The following NR5A1 variants were observed in gnomAD, a reference collection of about 807,000 sequenced individuals.
NR5A1 encodes the protein nuclear receptor subfamily 5 group A member 1.
In NR5A1, 6 loss-of-function variants were observed where a neutral mutation model predicts 42.7. The ratio of observed to expected loss-of-function variants is 0.14; its 90% CI spans 0.08 to 0.28. NR5A1 has a LOEUF of 0.28. NR5A1 is among the 10% of genes least tolerant of loss of function. The probability of loss-of-function intolerance (pLI) is 1.00; values close to 1 mark genes in which losing one functional copy is unlikely to be tolerated. For synonymous variants in NR5A1, 274 were observed against 277.5 expected (o/e 0.99, Z 0.12); for missense variants, 442 against 626.4 (o/e 0.71, Z 3.14).
At chr9:124,488,051 TC>T (rs1387622098) in intron 6 of NR5A1, among the ~76,000 whole-genome samples, 1 of 138,416 alleles carries the variant, frequency 7.2e-6, no homozygotes, top group Non-Finnish European at 1.6e-5. Context: ...CCCCACCCCG[TC>T]CCCACCCCTG....
intron 4 of NR5A1, among the ~76,000 whole-genome samples, chr9:124,495,726 T>G (rs1564151129): frequency 6.6e-6 from 1 of 152,108 alleles, no homozygotes; most frequent in Non-Finnish European, 1.5e-5. Context: ...AATGAGGAGA[T>G]AAGGCTTCAG....
chr9:124,487,581 C>T (rs1564148548), intron 6 of NR5A1, among the ~76,000 whole-genome samples: 1 of 152,282 alleles, frequency 6.6e-6, no homozygotes. Context: ...CACCAAATGG[C>T]ACCCTTATGC....
Position 124,503,880 on chromosome 9 carries a change from C to A in NR5A1, c.-15-470G>T, listed in dbSNP as rs887379361. Among the ~76,000 whole-genome samples, 2 of 152,052 alleles carry A rather than the reference C, an allele frequency of 1.3e-5. No individual in the cohort carries two copies. Among genetic ancestry groups the A allele is most frequent in the African/African-American group, 4.8e-5 (2 of 41,378 alleles). Reference sequence around the variant, plus strand: ...CGGGGGAGCCAGAGATGGGAAGAAACTCTGGCGAGAGACAACGACCGACGC... The same window carrying A: ...CGGGGGAGCCAGAGATGGGAAGAAAATCTGGCGAGAGACAACGACCGACGC... On this transcript the variant is annotated intron_variant, in intron 1 of 6. Transcript: ENST00000373588. This position sits in a 1 kb window ranked among gnomAD's most constrained non-coding sequence, Gnocchi z 9.6.
chr9:124,500,585 C>T lies in NR5A1; in HGVS notation c.375G>A (p.Pro125=), dbSNP rs1110062. 0.016 allele frequency: 25,642 copies of T among 1,611,976 alleles called. 3,482 individuals are homozygous for T. In the African/African-American group the frequency reaches 0.3, roughly 19 times the overall value. The change falls in exon 4 of 7, where the codon CCG becomes CCA. Residue 125 remains proline, a synonymous_variant. Transcript: ENST00000373588. This position sits in a 1 kb window ranked among gnomAD's most constrained non-coding sequence, Gnocchi z 6.9. ...GAGGGGGCGGCGGGGGCACCCCCAT[C>T]GGGGGCCCTGTCTCCAGCTTGAAGC... ...ANGFKLETGP[P]MGVPPPPPPA...
In NR5A1 at chr9:124,483,050, C is replaced by T. The variant is rs199988556; in HGVS notation, c.1139-45G>A. 3 of 1,611,016 alleles carry T rather than the reference C, an allele frequency of 1.9e-6. No individual in the cohort carries two copies. The South Asian group carries it at 3.3e-5, about 18-fold the overall frequency. ...GTCACCATCGCGTCACCATCCATGC[C>T]CATCAGGGCTGGGCCAACACCGTCA... On this transcript the variant is annotated intron_variant, in intron 6 of 6. Coordinates refer to ENST00000373588, the MANE Select transcript of NR5A1 (RefSeq NM_004959.5).
chr9:124,498,995 G>A lies in NR5A1; in HGVS notation c.870+1095C>T, dbSNP rs551359182. ...CCCAGGCCCGAGTGGCGTCAGCATT[G>A]ACAATGCTGCTCAAGGCTGCAGTGG... On this transcript the variant is annotated intron_variant, in intron 4 of 6. Transcript: ENST00000373588. The surrounding 1 kb of genome is among the most constrained non-coding windows in gnomAD (Gnocchi z 4.6). 1.3e-5 allele frequency among the ~76,000 whole-genome samples: 2 copies of A among 152,264 alleles called. No individual in the cohort carries two copies. Among genetic ancestry groups the A allele is most frequent in the Admixed American group, 1.3e-4 (2 of 15,302 alleles).
chr9:124,499,384 C>T (rs1280990697), intron 4 of NR5A1, among the ~76,000 whole-genome samples: 3 of 152,206 alleles, frequency 2.0e-5, no homozygotes, highest in Admixed American at 1.3e-4. Context: ...CAGGGAAGAT[C>T]AGTGGCAGAC....
chr9:124,494,952 G>C (rs934630299), intron 4 of NR5A1, among the ~76,000 whole-genome samples: 1 of 152,192 alleles, frequency 6.6e-6, no homozygotes, highest in Non-Finnish European at 1.5e-5. Context: ...GAAGCACCCC[G>C]CTCTCTGTTC....
Position 124,500,644 on chromosome 9 carries a change from T to G in NR5A1, c.316A>C (p.Lys106Gln). Residue 106 changes from lysine (K) to glutamine (Q), a missense_variant, in exon 4 of 7, where the codon AAA (lysine) becomes CAA (glutamine). This residue lies in a region of NR5A1 where 71 missense variants were observed against 156.8 expected (regional missense o/e 0.45). Coordinates refer to ENST00000373588, the MANE Select transcript of NR5A1 (RefSeq NM_004959.5). The surrounding 1 kb of genome is among the most constrained non-coding windows in gnomAD (Gnocchi z 6.9). ...CGAATCTGTGCCTTCTTCTGCTGTT[T>G]CAGGGCCCGGTCCCGCTTGTACATC... ...GPMYKRDRAL[K>Q]QQKKAQIRAN... The G allele has an allele frequency of 6.2e-7, 1 of 1,613,364 alleles. No homozygotes were observed. Among genetic ancestry groups the G allele is most frequent in the Non-Finnish European group, 8.5e-7 (1 of 1,180,002 alleles).
intron 5 of NR5A1, among the ~76,000 whole-genome samples, chr9:124,492,506 T>C (rs1237637034): frequency 1.4e-5 from 2 of 147,452 alleles, no homozygotes; most frequent in Non-Finnish European, 3.0e-5. Context: ...CCTTTGCCCA[T>C]TCATTCATTC....
rs558454394 is a variant in NR5A1 at position 124,492,015 on chromosome 9, CT to C, written c.991-788del. Among the ~76,000 whole-genome samples the C allele has an allele frequency of 2.3e-3, 343 of 152,302 alleles. 1 individual carries two copies. Among genetic ancestry groups the C allele is most frequent in the African/African-American group, 7.9e-3 (328 of 41,554 alleles). ...CACAGGGAGCCCCAAAGACACCCCC[CT>C]GGGACCAGTGCTGCCCGTCCCGTCC... is the stretch of plus-strand genomic sequence containing the variant. On this transcript the variant is annotated intron_variant, in intron 5 of 6. Transcript: ENST00000373588.
chr9:124,483,537 A>G (rs1832162767), intron 6 of NR5A1, among the ~76,000 whole-genome samples: 1 of 152,078 alleles, frequency 6.6e-6, no homozygotes, highest in Non-Finnish European at 1.5e-5. Flanking sequence ...GGGTTGGGTT[A>G]GCTGGCACCA....
In NR5A1 at chr9:124,500,461, G is replaced by A; in HGVS notation, c.499C>T (p.Pro167Ser). The change falls in exon 4 of 7, where the codon CCA becomes TCA. Residue 167 changes from proline to serine, a missense_variant. This residue lies in a region of NR5A1 where 208 missense variants were observed against 203.8 expected (regional missense o/e 1.02). Transcript: ENST00000373588. This position sits in a 1 kb window ranked among gnomAD's most constrained non-coding sequence, Gnocchi z 6.9. The stretch of plus-strand genomic sequence containing the variant: ...CCGGGCACGGCCATGGGCAGTGCTG[G>A]GGCCCCAAAGTCGCCCAGTGGCCCA... Reference protein sequence around the residue: ...PAGPLGDFGAPALPMAVPGAH... With the variant: ...PAGPLGDFGASALPMAVPGAH... The A allele has an allele frequency of 1.3e-6, 2 of 1,592,366 alleles. No individual in the cohort carries two copies. Among genetic ancestry groups the A allele is most frequent in the Non-Finnish European group, 1.7e-6 (2 of 1,171,396 alleles).
intron 1 of NR5A1, among the ~76,000 whole-genome samples, chr9:124,505,067 C>T (rs888857587): frequency 6.6e-6 from 1 of 152,032 alleles, no homozygotes; most frequent in African/African-American, 2.4e-5. Flanking sequence ...GTGTCCTCCC[C>T]CCAAGCCCGG....
rs893109403 is a variant in NR5A1, at chr9:124,482,563, A to G, written c.*195T>C. 8.3e-5 allele frequency: 56 copies of G among 671,814 alleles called. No individual in the cohort carries two copies. The highest frequency in any genetic ancestry group is 1.2e-5 in the Non-Finnish European group (5 of 410,764). 41.6% of individuals were successfully genotyped at this position (671,814 alleles called of 1,614,324 possible). ...TGCCAGTGGCCACTCCACCTCCGCC[A>G]GGCCCTGCCCAGCCTCACCCACCTT... On this transcript the variant is annotated 3_prime_UTR_variant, in exon 7 of 7. Transcript: ENST00000373588.
In NR5A1 at chr9:124,500,368, G is replaced by T. The variant is rs1321661375; in HGVS notation, c.592C>A (p.Pro198Thr). ...TGTGGGGGGCTGGCATAAGGCTCCG[G>T]GTACTCAGACTTGATGGCACGGCCA... The part of the protein sequence containing the change: ...FPGRAIKSEY[P>T]EPYASPPQPG... Residue 198 changes from proline to threonine, a missense_variant, in exon 4 of 7, where the codon CCG (proline) becomes ACG (threonine). This residue lies in a region of NR5A1 where 208 missense variants were observed against 203.8 expected (regional missense o/e 1.02). Coordinates refer to ENST00000373588, the MANE Select transcript of NR5A1 (RefSeq NM_004959.5). The surrounding 1 kb of genome is among the most constrained non-coding windows in gnomAD (Gnocchi z 6.9). 5.1e-6 allele frequency: 8 copies of T among 1,556,702 alleles called. No homozygotes were observed. Among genetic ancestry groups the T allele is most frequent in the African/African-American group, 1.4e-5 (1 of 73,430 alleles).
intron 6 of NR5A1, among the ~76,000 whole-genome samples, chr9:124,484,213 ACAC>A (rs1216981870): frequency 6.6e-6 from 1 of 152,194 alleles, no homozygotes; most frequent in Non-Finnish European, 1.5e-5. Context: ...TTCAACTTCT[ACAC>A]CACCGTAAAG....
Position 124,500,904 on chromosome 9 carries a change from C to T in NR5A1, c.245-189G>A. ...TCAAGGCCCTGCTCAGCTTTTCAGG[C>T]AATCCCTGCTAAGACCCCTCTCCTT... On this transcript the variant is annotated intron_variant, in intron 3 of 6. Transcript: ENST00000373588. The surrounding 1 kb of genome is among the most constrained non-coding windows in gnomAD (Gnocchi z 6.9). The T allele has an allele frequency of 1.1e-6, 1 of 887,884 alleles. No homozygotes were observed. The highest frequency in any genetic ancestry group is 2.0e-5 in the Admixed American group (1 of 50,208). 55.0% of individuals were successfully genotyped at this position (887,884 alleles called of 1,614,324 possible).
At chr9:124,494,108 G>C (rs535879408) in intron 4 of NR5A1, among the ~76,000 whole-genome samples, 1 of 152,306 alleles carries the variant, frequency 6.6e-6, no homozygotes, top group East Asian at 1.9e-4. Flanking sequence ...GGCAGACACA[G>C]CCCCATCCCT....
Sources: allele counts gnomAD v4.1 joint callset (sites outside exome capture counted in the v4.1 genomes callset), GRCh38; gene constraint gnomAD v4.1.1; regional missense constraint gnomAD v4.1.1; non-coding constraint Gnocchi (gnomAD v3.1); transcripts MANE v1.5; gene names NCBI Gene and HGNC (gene_info 2026-07-23, HGNC 2026-07-21).